Variants in PLOD2 observed in about 807,000 individuals in gnomAD.
PLOD2 encodes the protein procollagen-lysine,2-oxoglutarate 5-dioxygenase 2.
Under a neutral mutation model 101.0 loss-of-function variants are expected in PLOD2, and 65 were observed. The ratio of observed to expected loss-of-function variants is 0.64; its 90% confidence interval spans 0.53 to 0.79. PLOD2 has a LOEUF of 0.79. PLOD2 is among the 30% of genes least tolerant of loss of function. The probability of loss-of-function intolerance (pLI) is 0.00; values close to 1 mark genes in which losing one functional copy is unlikely to be tolerated. For synonymous variants in PLOD2, 314 were observed against 302.9 expected (o/e 1.04, Z -0.38); for missense variants, 909 against 914.6 (o/e 0.99, Z 0.08).
chr3:146,087,333 C>G (rs1236010345), intron 9 of PLOD2, among the ~76,000 whole-genome samples: 1 of 151,744 alleles, frequency 6.6e-6, no homozygotes, highest in Non-Finnish European at 1.5e-5. Context: ...GCATAATAGC[C>G]ATCAATCTGA....
chr3:146,094,849 C>G (rs13088659), intron 7 of PLOD2, among the ~76,000 whole-genome samples: 4,161 of 152,224 alleles, frequency 0.027, 101 homozygotes, highest in Non-Finnish European at 0.037. Flanking sequence ...ACCAAAACAG[C>G]AAGGTACTGG....
intron 7 of PLOD2, among the ~76,000 whole-genome samples, chr3:146,096,683 T>C: frequency 7.9e-6 from 1 of 126,252 alleles, no homozygotes; most frequent in African/African-American, 3.1e-5. Flanking sequence ...AGCCCCTCCG[T>C]CCGGCAACCA....
At chr3:146,140,842 T>C (rs993778153) in intron 1 of PLOD2, among the ~76,000 whole-genome samples, 4 of 152,200 alleles carry the variant, frequency 2.6e-5, no homozygotes, top group South Asian at 2.1e-4. Flanking sequence ...GATAGGGTAC[T>C]TCCCCAGAAC....
At chr3:146,090,068 G>T (rs1306748134) in intron 8 of PLOD2, among the ~76,000 whole-genome samples, 1 of 151,044 alleles carries the variant, frequency 6.6e-6, no homozygotes, top group Non-Finnish European at 1.5e-5. Flanking sequence ...TGACCACTTT[G>T]TGTATGTATA....
At chr3:146,073,947 CCTTCA>C (rs1479542598) in intron 15 of PLOD2, among the ~76,000 whole-genome samples, 3 of 151,154 alleles carry the variant, frequency 2.0e-5, no homozygotes, top group South Asian at 2.1e-4. Context: ...AAAATTTCTG[CCTTCA>C]CTTCAGTTAT....
intron 3 of PLOD2, among the ~76,000 whole-genome samples, chr3:146,112,237 T>TG (rs1937670317): frequency 6.6e-6 from 1 of 152,142 alleles, no homozygotes; most frequent in Non-Finnish European, 1.5e-5. Context: ...AGCAAAGACT[T>TG]GGAACCAACC....
At chr3:146,125,474 C>T (rs1311277228) in intron 1 of PLOD2, among the ~76,000 whole-genome samples, 1 of 152,036 alleles carries the variant, frequency 6.6e-6, no homozygotes, top group Non-Finnish European at 1.5e-5. Context: ...TGGCCAGGCA[C>T]GGTAGGTCAT....
intron 1 of PLOD2, among the ~76,000 whole-genome samples, chr3:146,134,750 C>A (rs73865317): frequency 6.6e-6 from 1 of 152,314 alleles, no homozygotes; most frequent in African/African-American, 2.4e-5. Context: ...CCTGCCAATT[C>A]GCATATGAAT....
At position 146,083,881 on chromosome 3, in the gene PLOD2, G is replaced by A. The variant is rs565978276; in HGVS notation, c.1232+1288C>T. Among the ~76,000 whole-genome samples, 10 of 151,688 alleles carry A rather than the reference G, an allele frequency of 6.6e-5. No homozygotes were observed. In the East Asian group the frequency reaches 7.8e-4, roughly 12 times the overall value. ...CAGGCGTGAGCCACCACACCCGGCC[G>A]GGAATTTTTTTTCTTTTAGAAGATT... On this transcript the variant is annotated intron_variant, in intron 11 of 19. Coordinates refer to ENST00000282903, the MANE Select transcript of PLOD2 (RefSeq NM_182943.3).
intron 3 of PLOD2, among the ~76,000 whole-genome samples, chr3:146,119,689 G>A (rs10935603): frequency 0.51 from 77,719 of 151,128 alleles, 19,999 homozygotes; most frequent in East Asian, 0.56. Flanking sequence ...GAGAATATGC[G>A]GTGTTTGGTT....
At chr3:146,093,096 C>T (rs934070018) in intron 7 of PLOD2, among the ~76,000 whole-genome samples, 2 of 151,984 alleles carry the variant, frequency 1.3e-5, no homozygotes, top group Admixed American at 6.6e-5. Context: ...TCTTAAAGTC[C>T]TAAAGGGGAT....
Position 146,120,554 on chromosome 3 carries a change from C to A in PLOD2, c.338+558G>T, listed in dbSNP as rs1338416036. Among the ~76,000 whole-genome samples the A allele has an allele frequency of 2.0e-5, 3 of 152,148 alleles. 1 individual carries two copies. The South Asian group carries it at 6.2e-4, about 32-fold the overall frequency. ...TAGGCAATACCATTCAGGACATAGG[C>A]ATGGGCAAGGACTTCATGTCTAAAA... On this transcript the variant is annotated intron_variant, in intron 3 of 19. Transcript: ENST00000282903.
intron 1 of PLOD2, among the ~76,000 whole-genome samples, chr3:146,141,596 T>C (rs2031526934): frequency 6.6e-6 from 1 of 152,114 alleles, no homozygotes; most frequent in African/African-American, 2.4e-5. Context: ...GTGCTACATG[T>C]TGGAGACATA....
intron 1 of PLOD2, among the ~76,000 whole-genome samples, chr3:146,134,906 A>T (rs2108115442): frequency 6.6e-6 from 1 of 152,334 alleles, no homozygotes; most frequent in East Asian, 1.9e-4. Context: ...TTTATGTACA[A>T]GTCTGCCGAA....
rs543185136 is a variant in PLOD2, at chr3:146,161,067, C to T, written c.-78G>A. Reference sequence around the variant, plus strand: ...GCGCTTCTCGCGAGAACGCAGAGACCCGGGTCCGCCCTGAGCCGCCGATTG... The same window carrying T: ...GCGCTTCTCGCGAGAACGCAGAGACTCGGGTCCGCCCTGAGCCGCCGATTG... On this transcript the variant is annotated 5_prime_UTR_variant, in exon 1 of 20. Coordinates refer to ENST00000282903, the MANE Select transcript of PLOD2 (RefSeq NM_182943.3). 3 of 1,062,982 alleles carry T rather than the reference C, an allele frequency of 2.8e-6. No individual in the cohort carries two copies. Among genetic ancestry groups the T allele is most frequent in the East Asian group, 2.8e-5 (1 of 35,412 alleles). The allele number at this position is 1,062,982 out of a possible 1,614,324, so 65.8% of individuals were successfully genotyped here. A position where few individuals can be genotyped will look rare whatever the true frequency, so the allele number is the denominator to read the frequency against.
At chr3:146,137,947 G>T (rs372213989) in intron 1 of PLOD2, among the ~76,000 whole-genome samples, 1 of 152,092 alleles carries the variant, frequency 6.6e-6, no homozygotes, top group Non-Finnish European at 1.5e-5. Flanking sequence ...ATACCGCAGG[G>T]GGAAGAAACA....
intron 12 of PLOD2, among the ~76,000 whole-genome samples, chr3:146,080,963 T>C (rs930173157): frequency 1.3e-5 from 2 of 152,124 alleles, no homozygotes; most frequent in Non-Finnish European, 2.9e-5. Context: ...CCTTTTTTTT[T>C]CTAAATGTAA....
At chr3:146,088,869 T>C in intron 8 of PLOD2, 158 bp from the exon 9 acceptor site, 1 of 642,576 alleles carries the variant, frequency 1.6e-6, no homozygotes, top group Non-Finnish European at 2.7e-6. Context: ...CTCTAACACT[T>C]GAAACAAATT....
At chr3:146,106,792 T>C in intron 4 of PLOD2, 148 bp from the exon 5 acceptor site, 1 of 672,734 alleles carries the variant, frequency 1.5e-6, no homozygotes, top group Non-Finnish European at 2.7e-6. Flanking sequence ...ATGAAAGAAA[T>C]ATGAATTATT....
Sources: allele counts gnomAD v4.1 joint callset (sites outside exome capture counted in the v4.1 genomes callset), GRCh38; gene constraint gnomAD v4.1.1; transcripts MANE v1.5; gene names NCBI Gene and HGNC (gene_info 2026-07-23, HGNC 2026-07-21).